The following ITGA8 variants were observed in gnomAD, a reference collection of about 807,000 sequenced individuals.
ITGA8 encodes integrin subunit alpha 8.
ITGA8 carries 91 observed loss-of-function variants against 142.3 expected under a neutral mutation model. That is an observed-to-expected ratio of 0.64 (90% CI 0.54 to 0.76). The LOEUF (loss-of-function observed/expected upper bound fraction) is 0.76, where lower values mean the gene tolerates loss of function less well. ITGA8 is among the 30% of genes least tolerant of loss of function. The pLI is 0.00. For missense variants in ITGA8, 1,406 were observed against 1,327.7 expected, an observed-to-expected ratio of 1.06 and a Z score of -0.92; for synonymous variants, 505 against 485.2, an observed-to-expected ratio of 1.04 and a Z score of -0.54.
Position 15,608,255 on chromosome 10 carries a change from T to C in ITGA8, c.1589A>G (p.Gln530Arg). The change falls in exon 16 of 30, where the codon CAG becomes CGG. Residue 530 changes from glutamine (Q) to arginine (R), a missense_variant. Coordinates refer to ENST00000378076, the MANE Select transcript of ITGA8 (RefSeq NM_003638.3). ...CTTACCTATTGTGTTTGCAATGCTC[T>C]GGCCTGTGACAGATGCACATACTCT... Reference protein sequence around the residue: ...SLRVCASVTGQSIANTIVLMA... With the variant: ...SLRVCASVTGRSIANTIVLMA... 1.3e-6 allele frequency: 2 copies of C among 1,598,724 alleles called. No homozygotes were observed. The highest frequency in any genetic ancestry group is 1.7e-6 in the Non-Finnish European group (2 of 1,173,530).
At chr10:15,680,315 C>T (rs904183796) in intron 4 of ITGA8, among the ~76,000 whole-genome samples, 1 of 148,914 alleles carries the variant, frequency 6.7e-6, no homozygotes, top group Non-Finnish European at 1.5e-5. Flanking sequence ...ACAAGCTCCG[C>T]CTCCCGGGTT....
intron 28 of ITGA8, among the ~76,000 whole-genome samples, chr10:15,525,218 C>T (rs1355995155): frequency 6.6e-6 from 1 of 152,054 alleles, no homozygotes; most frequent in Non-Finnish European, 1.5e-5. Flanking sequence ...ATTTATTAAA[C>T]ACCCTATGTT....
chr10:15,611,551 G>A (rs2131614492), intron 15 of ITGA8: 1 of 147,936 alleles, frequency 6.8e-6, no homozygotes, highest in East Asian at 2.0e-4. Flanking sequence ...GAGTGCAGTG[G>A]TGCGATCTCA....
intron 8 of ITGA8, among the ~76,000 whole-genome samples, chr10:15,668,906 C>T (rs577981483): frequency 2.0e-5 from 3 of 152,336 alleles, no homozygotes; most frequent in East Asian, 3.9e-4. Flanking sequence ...GTCTGATGGG[C>T]TTCCCTTTGT....
intron 2 of ITGA8, among the ~76,000 whole-genome samples, chr10:15,690,372 C>A (rs541225851): frequency 6.6e-6 from 1 of 152,290 alleles, no homozygotes; most frequent in African/African-American, 2.4e-5. Context: ...TCTGCAGAGC[C>A]ATGCCAGCGC....
intron 28 of ITGA8, among the ~76,000 whole-genome samples, chr10:15,529,264 C>T (rs937518484): frequency 6.6e-6 from 1 of 152,194 alleles, no homozygotes; most frequent in African/African-American, 2.4e-5. Context: ...GAAGGGGAGA[C>T]ATTTTGAGAG....
intron 23 of ITGA8, among the ~76,000 whole-genome samples, chr10:15,580,637 AAATT>A (rs1262509601): frequency 1.3e-5 from 2 of 152,242 alleles, no homozygotes; most frequent in Non-Finnish European, 2.9e-5. Flanking sequence ...TCAAAACCAA[AAATT>A]AATCAATTCA....
At chr10:15,703,271 C>T (rs1441908103) in intron 2 of ITGA8, among the ~76,000 whole-genome samples, 2 of 152,178 alleles carry the variant, frequency 1.3e-5, no homozygotes, top group African/African-American at 4.8e-5. Flanking sequence ...CATGTCTAGA[C>T]TGTCTTCCTT....
chr10:15,683,825 T>C (rs1834786025), intron 4 of ITGA8, among the ~76,000 whole-genome samples, 179 bp downstream of exon 4: 1 of 152,244 alleles, frequency 6.6e-6, no homozygotes. Context: ...AATTCCACGC[T>C]TTTGACTTGC....
chr10:15,702,394 G>A (rs762447349), intron 2 of ITGA8, among the ~76,000 whole-genome samples: 3 of 151,694 alleles, frequency 2.0e-5, no homozygotes, highest in Non-Finnish European at 4.4e-5. Context: ...GGATTCAAGC[G>A]ATTCTCCTGC....
rs45527136 is a variant in ITGA8 at position 15,568,728 on chromosome 10, A to G, written c.2637+3483T>C. ...TCCACAAAAACCCAACTTAATCCTC[A>G]ATAGGGCTTTGATGCCGTCAAAGTA... On this transcript the variant is annotated intron_variant, in intron 25 of 29. Transcript: ENST00000378076. Among the ~76,000 whole-genome samples, 1,520 of 152,358 alleles carry G rather than the reference A, an allele frequency of 1.0e-2. 8 individuals are homozygous for G. Among genetic ancestry groups the G allele is most frequent in the Non-Finnish European group, 0.014 (955 of 68,030 alleles).
rs753446239 is a variant in ITGA8, at chr10:15,644,164, T to C, written c.1265A>G (p.Tyr422Cys). Residue 422 changes from tyrosine to cysteine, a missense_variant, in exon 13 of 30, where the codon TAT (tyrosine) becomes TGT (cysteine). Transcript: ENST00000378076. ...GKDQRGKVLI[Y>C]NGNKDGLNTK... ...GTTTAAGCCATCTTTGTTCCCATTATAAATGAGCACTTTGCCTCTTTGATC... is the reference window on the plus strand; with the variant it reads ...GTTTAAGCCATCTTTGTTCCCATTACAAATGAGCACTTTGCCTCTTTGATC... The C allele has an allele frequency of 1.9e-6, 3 of 1,614,176 alleles. No individual in the cohort carries two copies. Among genetic ancestry groups the C allele is most frequent in the Admixed American group, 1.7e-5 (1 of 60,032 alleles).
chr10:15,719,528 T>G (rs9333070), intron 1 of ITGA8, 35 bp downstream of exon 1: 1 of 1,503,336 alleles, frequency 6.7e-7, no homozygotes, highest in Non-Finnish European at 8.8e-7. Flanking sequence ...AGCGCCTTCG[T>G]CCCCGCGCGC....
chr10:15,558,146 A>G lies in ITGA8; in HGVS notation c.2694T>C (p.Thr898=). 1.2e-6 allele frequency: 2 copies of G among 1,614,248 alleles called. No individual in the cohort carries two copies. Among genetic ancestry groups the G allele is most frequent in the Non-Finnish European group, 1.7e-6 (2 of 1,180,040 alleles). The stretch of plus-strand genomic sequence containing the variant: ...CCCTCTTCCTGACAAGATGAGGAAT[A>G]GTAGAGTTTCGCAAAAAGGCGCTGA... ...PELSAFLRNS[T]IPHLVRKRDV... The change falls in exon 26 of 30, where the codon ACT becomes ACC. Residue 898 remains threonine (T), a synonymous_variant. Transcript: ENST00000378076.
chr10:15,551,668 G>A (rs1833795185), intron 26 of ITGA8, among the ~76,000 whole-genome samples: 1 of 152,200 alleles, frequency 6.6e-6, no homozygotes, highest in South Asian at 2.1e-4. Context: ...TCCCAACACA[G>A]GATGTTGGCA....
At chr10:15,537,487 A>G (rs59816688) in intron 27 of ITGA8, among the ~76,000 whole-genome samples, 10,075 of 152,200 alleles carry the variant, frequency 0.066, 1,119 homozygotes, top group African/African-American at 0.23. Flanking sequence ...CTCTACTTGC[A>G]CTAAATATTT....
chr10:15,708,380 AAG>A (rs895364674), intron 2 of ITGA8, among the ~76,000 whole-genome samples: 69 of 152,308 alleles, frequency 4.5e-4, no homozygotes, highest in African/African-American at 1.6e-3. Flanking sequence ...ATGAAAAGAA[AAG>A]AGAAAAAAAA....
chr10:15,591,229 G>C (rs1832916630), intron 22 of ITGA8, among the ~76,000 whole-genome samples: 1 of 151,834 alleles, frequency 6.6e-6, no homozygotes, highest in Non-Finnish European at 1.5e-5. Context: ...GTTAGAGCAA[G>C]GGTTCAACAT....
At chr10:15,715,983 G>T (rs1835443133) in intron 2 of ITGA8, among the ~76,000 whole-genome samples, 1 of 152,162 alleles carries the variant, frequency 6.6e-6, no homozygotes, top group Non-Finnish European at 1.5e-5. Flanking sequence ...ATTCCCACTG[G>T]CAATCAAGGT....
Sources: allele counts gnomAD v4.1 joint callset (sites outside exome capture counted in the v4.1 genomes callset), GRCh38; gene constraint gnomAD v4.1.1; transcripts MANE v1.5; gene names NCBI Gene and HGNC (gene_info 2026-07-23, HGNC 2026-07-21).